The following SLMAP variants were observed in gnomAD, a reference collection of about 807,000 sequenced individuals.
SLMAP encodes sarcolemmal membrane-associated protein.
SLMAP carries 44 observed loss-of-function variants against 128.8 expected under a neutral mutation model. The observed-to-expected ratio is 0.34, with a 90% CI of 0.27 to 0.44. The LOEUF (loss-of-function observed/expected upper bound fraction) is 0.44. Among genes scored for constraint, SLMAP ranks in the 20% least tolerant of loss-of-function variants. The probability of loss-of-function intolerance (pLI) is 1.00; values close to 1 mark genes in which losing one functional copy is unlikely to be tolerated. For missense variants in SLMAP, 787 were observed against 985.3 expected (o/e 0.80, Z 2.69); for synonymous variants, 327 against 348.8 (o/e 0.94, Z 0.70).
chr3:57,804,307 G>T (rs541474855), intron 2 of SLMAP, among the ~76,000 whole-genome samples: 1 of 152,226 alleles, frequency 6.6e-6, no homozygotes, highest in African/African-American at 2.4e-5. Flanking sequence ...GTTACATAGG[G>T]CTGTAAGACA....
chr3:57,784,227 G>A (rs2083620983), intron 2 of SLMAP, among the ~76,000 whole-genome samples: 1 of 152,100 alleles, frequency 6.6e-6, no homozygotes, highest in African/African-American at 2.4e-5. Flanking sequence ...ACTGCACCCT[G>A]GAAAGGCTGC....
rs980638490 is a variant in SLMAP, at chr3:57,856,412, A to G, written c.520-1321A>G. Among the ~76,000 whole-genome samples the G allele has an allele frequency of 5.9e-5, 9 of 151,904 alleles. 1 individual carries two copies. Among genetic ancestry groups the G allele is most frequent in the Admixed American group, 3.3e-4 (5 of 15,262 alleles). ...TCTATTCTTAATTTATAAGCTTTTT[A>G]TTATTAAAAATTTTTTAAACTTGCT... On this transcript the variant is annotated intron_variant, in intron 6 of 24. Transcript: ENST00000671191.
intron 21 of SLMAP, among the ~76,000 whole-genome samples, chr3:57,915,986 G>A (rs567835053): frequency 1.4e-4 from 22 of 152,056 alleles, no homozygotes; most frequent in African/African-American, 5.3e-4. Flanking sequence ...GAGAAACCTC[G>A]TCACTACTAA....
chr3:57,778,236 T>C (rs1559950666), intron 2 of SLMAP, among the ~76,000 whole-genome samples: 1 of 152,174 alleles, frequency 6.6e-6, no homozygotes, highest in Non-Finnish European at 1.5e-5. Flanking sequence ...TCAGGAAATT[T>C]GTCTGTTTCA....
chr3:57,902,101 A>G (rs918316461), intron 17 of SLMAP: 1 of 152,224 alleles, frequency 6.6e-6, no homozygotes, highest in African/African-American at 2.4e-5. Context: ...TCTTCATTCA[A>G]ACAATTCAAC....
intron 2 of SLMAP, among the ~76,000 whole-genome samples, chr3:57,794,397 A>G (rs1406042431): frequency 1.3e-5 from 2 of 152,190 alleles, no homozygotes; most frequent in African/African-American, 2.4e-5. Flanking sequence ...ATTAACACTT[A>G]TAAGCACTTC....
intron 24 of SLMAP, among the ~76,000 whole-genome samples, chr3:57,926,809 T>C (rs1443621603): frequency 6.6e-6 from 1 of 152,198 alleles, no homozygotes; most frequent in Non-Finnish European, 1.5e-5. Context: ...TTGTCTTCTG[T>C]GGTTTCAAGT....
rs552066032 is a variant in SLMAP, at chr3:57,778,114, C to T, written c.198+20265C>T. The stretch of plus-strand genomic sequence containing the variant: ...AATTTACCAAAGGAAGCCATCTGGA[C>T]CTATTTATGTTCTGTGGAATGTTGT... On this transcript the variant is annotated intron_variant, in intron 2 of 24. Coordinates refer to ENST00000671191, the MANE Select transcript of SLMAP (RefSeq NM_001377540.1). Among the ~76,000 whole-genome samples the T allele has an allele frequency of 8.5e-5, 13 of 152,186 alleles. No homozygotes were observed. In the East Asian group the frequency reaches 2.3e-3, roughly 27 times the overall value.
chr3:57,854,822 T>A (rs531972101), intron 6 of SLMAP, among the ~76,000 whole-genome samples: 1 of 152,318 alleles, frequency 6.6e-6, no homozygotes, highest in East Asian at 1.9e-4. Context: ...TATACACATG[T>A]ATACATGTAT....
rs573580757 is a variant in SLMAP, at chr3:57,889,847, C to T, written c.1301-194C>T. The T allele has an allele frequency of 1.1e-4, 46 of 429,226 alleles. No homozygotes were observed. In the East Asian group the frequency reaches 1.4e-3, roughly 13 times the overall value. The allele number at this position is 429,226 out of a possible 1,614,324, so 26.6% of individuals were successfully genotyped here. ...AAATTGTCTGCCTGCCCCTAGTTTTCTGCATTAACGTGATTGCTCCGTCAT... is the reference window on the plus strand; with the variant it reads ...AAATTGTCTGCCTGCCCCTAGTTTTTTGCATTAACGTGATTGCTCCGTCAT... On this transcript the variant is annotated intron_variant, in intron 14 of 24. Coordinates refer to ENST00000671191, the MANE Select transcript of SLMAP (RefSeq NM_001377540.1).
rs1351480034 is a variant in SLMAP at position 57,757,395 on chromosome 3, T to C, written c.-257T>C. 1.3e-5 allele frequency: 7 copies of C among 543,582 alleles called. No homozygotes were observed. Among genetic ancestry groups the C allele is most frequent in the Non-Finnish European group, 2.3e-5 (7 of 302,400 alleles). The allele number at this position is 543,582 out of a possible 1,614,324, so 33.7% of individuals were successfully genotyped here. On this transcript the variant is annotated 5_prime_UTR_variant, in exon 2 of 25. The change abolishes an upstream ATG in the 5' untranslated region. Coordinates refer to ENST00000671191, the MANE Select transcript of SLMAP (RefSeq NM_001377540.1). ...AGCCTTTTCTTCCCAGAGAAGAAGA[T>C]GGACTGAAAGCTGCCAGTTGGGGAC...
intron 2 of SLMAP, among the ~76,000 whole-genome samples, chr3:57,821,539 G>GAAAGGTTATATAAATAAATTAA (rs2092519828): frequency 6.6e-6 from 1 of 152,170 alleles, no homozygotes; most frequent in Admixed American, 6.5e-5. Context: ...CAGGAAGCCA[G>GAAAGGTTATATAAATAAATTAA]AAAGGTTATA....
chr3:57,774,710 AGACTGGGCTTTCATCAT>A (rs899358742), intron 2 of SLMAP, among the ~76,000 whole-genome samples: 2 of 151,700 alleles, frequency 1.3e-5, no homozygotes, highest in African/African-American at 4.8e-5. Flanking sequence ...TTTTTAGTAG[AGACTGGGCTTTCATCAT>A]GTTGGCCAGG....
Position 57,771,794 on chromosome 3 carries a change from CT to C in SLMAP, c.198+13951del, listed in dbSNP as rs1414999548. On this transcript the variant is annotated intron_variant, in intron 2 of 24. Coordinates refer to ENST00000671191, the MANE Select transcript of SLMAP (RefSeq NM_001377540.1). ...TAAATTCTTTTTTGAATGCGTGAAA[CT>C]TTTTTGAATATGTTAAAGAAATCAT... 3.9e-5 allele frequency among the ~76,000 whole-genome samples: 6 copies of C among 152,198 alleles called. No homozygotes were observed. In the East Asian group the frequency reaches 9.7e-4, roughly 25 times the overall value.
intron 14 of SLMAP, among the ~76,000 whole-genome samples, chr3:57,885,119 C>T (rs1414134017): frequency 6.7e-6 from 1 of 149,268 alleles, no homozygotes; most frequent in Non-Finnish European, 1.5e-5. Context: ...GTTGCCCAGG[C>T]TGGAGTGCAA....
At chr3:57,766,546 T>C (rs1559909448) in intron 2 of SLMAP, among the ~76,000 whole-genome samples, 1 of 152,230 alleles carries the variant, frequency 6.6e-6, no homozygotes, top group Non-Finnish European at 1.5e-5. Context: ...CTCAGGTACA[T>C]GCTTCTCTTA....
chr3:57,846,034 G>A (rs1356473230), intron 4 of SLMAP, among the ~76,000 whole-genome samples: 2 of 152,128 alleles, frequency 1.3e-5, no homozygotes, highest in African/African-American at 2.4e-5. Flanking sequence ...TAGAGATGAC[G>A]TTTCACTGTG....
At chr3:57,758,033 G>C (rs897812579) in intron 2 of SLMAP, among the ~76,000 whole-genome samples, 184 bp downstream of exon 2, 2 of 152,156 alleles carry the variant, frequency 1.3e-5, no homozygotes, top group African/African-American at 2.4e-5. Context: ...TGGTTGAATG[G>C]AAAACAGAGA....
At chr3:57,873,452 G>A (rs577480775) in intron 14 of SLMAP, among the ~76,000 whole-genome samples, 1 of 152,214 alleles carries the variant, frequency 6.6e-6, no homozygotes, top group East Asian at 1.9e-4. Context: ...GCAGTGAGCC[G>A]AGGTTGTGCC....
Sources: allele counts gnomAD v4.1 joint callset (sites outside exome capture counted in the v4.1 genomes callset), GRCh38; gene constraint gnomAD v4.1.1; transcripts MANE v1.5; gene names NCBI Gene and HGNC (gene_info 2026-07-23, HGNC 2026-07-21).